The following CTRC variants were observed in gnomAD, a reference collection of about 807,000 sequenced individuals.
CTRC encodes the protein chymotrypsin-C.
Under a neutral mutation model 35.7 loss-of-function variants are expected in CTRC, and 32 were observed. That is an observed-to-expected ratio of 0.90 (90% CI 0.68 to 1.20). The LOEUF (loss-of-function observed/expected upper bound fraction) is 1.20. CTRC is among the 50% of genes most tolerant of loss of function. CTRC has a pLI of 0.00. For synonymous variants in CTRC, 119 were observed against 149.5 expected, an observed-to-expected ratio of 0.80 and a Z score of 1.49; for missense variants, 324 against 361.5, an observed-to-expected ratio of 0.90 and a Z score of 0.84.
At position 15,447,008 on chromosome 1, in the gene CTRC, T is replaced by C. The variant is rs1570788146; in HGVS notation, c.*419T>C. On this transcript the variant is annotated 3_prime_UTR_variant, in exon 8 of 8. Coordinates refer to ENST00000375949, the MANE Select transcript of CTRC (RefSeq NM_007272.3). ...TACCTCCACCGAGGGGCCTGGCAGGTCCTCACAGCCCCCCAGCAGCAGGTG... is the reference window on the plus strand; with the variant it reads ...TACCTCCACCGAGGGGCCTGGCAGGCCCTCACAGCCCCCCAGCAGCAGGTG... The C allele has an allele frequency of 3.1e-6, 1 of 322,936 alleles. No homozygotes were observed. Among genetic ancestry groups the C allele is most frequent in the Non-Finnish European group, 6.1e-6 (1 of 165,262 alleles). The allele number at this position is 322,936 out of a possible 1,614,324, so 20.0% of individuals were successfully genotyped here.
chr1:15,439,818 T>C (rs1165632778), intron 1 of CTRC, among the ~76,000 whole-genome samples: 2 of 152,208 alleles, frequency 1.3e-5, no homozygotes, highest in Admixed American at 6.5e-5. Flanking sequence ...CTCGGCTCAC[T>C]GCAACCTCCA....
chr1:15,442,489 G>A lies in CTRC; in HGVS notation c.273G>A (p.Leu91=). 2 of 1,614,148 alleles carry A rather than the reference G, an allele frequency of 1.2e-6. No individual in the cohort carries two copies. Among genetic ancestry groups the A allele is most frequent in the Non-Finnish European group, 1.7e-6 (2 of 1,180,024 alleles). The change falls in exon 4 of 8, where the codon CTG becomes CTA. Residue 91 remains leucine (L), a synonymous_variant. Coordinates refer to ENST00000375949, the MANE Select transcript of CTRC (RefSeq NM_007272.3). ...GTGTGGCCGTGGGAAAGAACAACCT[G>A]GAGGTGGAAGACGAAGAAGGATCCC... is the stretch of plus-strand genomic sequence containing the variant. ...TYRVAVGKNN[L]EVEDEEGSLF...
At chr1:15,441,080 T>A (rs1029952750) in intron 3 of CTRC, among the ~76,000 whole-genome samples, 2 of 151,992 alleles carry the variant, frequency 1.3e-5, no homozygotes, top group African/African-American at 4.8e-5. Context: ...CTCGGGAGGC[T>A]GAGGTAGGAG....
In CTRC at chr1:15,440,552, T is replaced by C. The variant is rs1204472941; in HGVS notation, c.192T>C (p.Ile64=). The C allele has an allele frequency of 1.2e-5, 19 of 1,614,096 alleles. No individual in the cohort carries two copies. The highest frequency in any genetic ancestry group is 2.7e-5 in the African/African-American group (2 of 74,934). ...GGCATACGTGTGGCGGGACTTTGAT[T>C]GCTAGCAACTTCGTCCTCACTGCCG... The part of the protein sequence containing the change: ...TWRHTCGGTL[I]ASNFVLTAAH... Residue 64 remains isoleucine, a synonymous_variant, in exon 3 of 8, where the codon ATT becomes ATC. Transcript: ENST00000375949.
At chr1:15,439,989 G>A (rs1436644900) in intron 1 of CTRC, among the ~76,000 whole-genome samples, 2 of 152,246 alleles carry the variant, frequency 1.3e-5, no homozygotes, top group South Asian at 2.1e-4. Context: ...CGATCCACCC[G>A]CCTTGGCCAC....
At chr1:15,442,608 G>A (rs1708152874) in intron 4 of CTRC, 36 bp downstream of exon 4, 2 of 1,613,140 alleles carry the variant, frequency 1.2e-6, no homozygotes, top group Non-Finnish European at 1.7e-6. Flanking sequence ...AGCCACTGGG[G>A]GCAGTGTGGA....
At chr1:15,446,293 G>A (rs1261725318) in intron 7 of CTRC, among the ~76,000 whole-genome samples, 8 of 152,270 alleles carry the variant, frequency 5.3e-5, no homozygotes, top group Admixed American at 5.2e-4. Flanking sequence ...GCAGAGGAGA[G>A]GGATGGTGTG....
At position 15,448,881 on chromosome 1, in the gene CTRC, G is replaced by T. The variant is rs1050507033; in HGVS notation, c.*2292G>T. 1 of 152,108 alleles carries T rather than the reference G, an allele frequency of 6.6e-6. No individual in the cohort carries two copies. Among genetic ancestry groups the T allele is most frequent in the Non-Finnish European group, 1.5e-5 (1 of 68,024 alleles). 9.4% of individuals were successfully genotyped at this position (152,108 alleles called of 1,614,324 possible). On this transcript the variant is annotated 3_prime_UTR_variant, in exon 8 of 8. Coordinates refer to ENST00000375949, the MANE Select transcript of CTRC (RefSeq NM_007272.3). ...TGTCCTCAGATCCCTTGTAGTTAGGGAGCTAATTAAAATGTTAATTAATAT... is the reference window on the plus strand; with the variant it reads ...TGTCCTCAGATCCCTTGTAGTTAGGTAGCTAATTAAAATGTTAATTAATAT...
intron 4 of CTRC, among the ~76,000 whole-genome samples, chr1:15,443,157 C>T (rs139746272): frequency 1.3e-5 from 2 of 152,366 alleles, no homozygotes; most frequent in African/African-American, 4.8e-5. Flanking sequence ...GACACTTCCA[C>T]TCTCACCTCC....
chr1:15,441,988 C>A (rs576475319), intron 3 of CTRC, among the ~76,000 whole-genome samples: 1 of 152,092 alleles, frequency 6.6e-6, no homozygotes, highest in Non-Finnish European at 1.5e-5. Context: ...GCAATCCCCC[C>A]GTCTCGGCTT....
rs1708233994 is a variant in CTRC at position 15,447,097 on chromosome 1, G to C, written c.*508G>C. 1 of 257,310 alleles carries C rather than the reference G, an allele frequency of 3.9e-6. No homozygotes were observed. Among genetic ancestry groups the C allele is most frequent in the Admixed American group, 5.0e-5 (1 of 19,854 alleles). The allele number at this position is 257,310 out of a possible 1,614,324, so 15.9% of individuals were successfully genotyped here. On this transcript the variant is annotated 3_prime_UTR_variant, in exon 8 of 8. Coordinates refer to ENST00000375949, the MANE Select transcript of CTRC (RefSeq NM_007272.3). ...AGAGAGACCAGGCCACAGGAGGATG[G>C]CCAAAGCTCAGGGACAACCACTCCT...
At position 15,447,907 on chromosome 1, in the gene CTRC, G is replaced by A. The variant is rs943868244; in HGVS notation, c.*1318G>A. 6.6e-6 allele frequency: 1 copy of A among 152,270 alleles called. No homozygotes were observed. The highest frequency in any genetic ancestry group is 2.4e-5 in the African/African-American group (1 of 41,428). The allele number at this position is 152,270 out of a possible 1,614,324, so 9.4% of individuals were successfully genotyped here. On this transcript the variant is annotated 3_prime_UTR_variant, in exon 8 of 8. Coordinates refer to ENST00000375949, the MANE Select transcript of CTRC (RefSeq NM_007272.3). Reference sequence around the variant, plus strand: ...CCACCCAGACCCGGGAATCCAGGATGGGGGTACCCCAGCTGTGCAGGAGAC... The same window carrying A: ...CCACCCAGACCCGGGAATCCAGGATAGGGGTACCCCAGCTGTGCAGGAGAC...
intron 4 of CTRC, 76 bp from the exon 5 acceptor site, chr1:15,443,343 C>T (rs142729850): frequency 2.2e-5 from 35 of 1,594,008 alleles, no homozygotes; most frequent in Non-Finnish European, 3.0e-5. Flanking sequence ...TCCCAACTCA[C>T]AGCCCGAGCC....
rs1368122456 is a variant in CTRC at position 15,442,561 on chromosome 1, C to T, written c.345C>T (p.Ala115=). The T allele has an allele frequency of 1.2e-6, 2 of 1,614,040 alleles. No individual in the cohort carries two copies. Among genetic ancestry groups the T allele is most frequent in the African/African-American group, 1.3e-5 (1 of 75,026 alleles). ...TCCACGTCCACAAGAGATGGAATGC[C>T]CTCCTGTTGCGGTGAGTGACAGACT... The part of the protein sequence containing the change: ...DTIHVHKRWN[A]LLLRNDIALI... The change falls in exon 4 of 8, where the codon GCC becomes GCT. Residue 115 remains alanine (A), a synonymous_variant. Transcript: ENST00000375949.
Position 15,445,623 on chromosome 1 carries a change from C to A in CTRC, c.666C>A (p.Cys222Ter). Residue 222 changes from cysteine (C) to a stop codon, truncating the protein, a stop_gained, in exon 7 of 8, where the codon TGC (cysteine) becomes TGA (stop). Transcript: ENST00000375949. LOFTEE classifies it high-confidence loss of function. ...CNGDSGGPLNCQLENGSWEVF... is the reference protein window; with the variant it reads ...CNGDSGGPLN ...GGGACTCCGGTGGCCCACTGAACTG[C>A]CAGTTGGAGAACGGTTCCTGGGAGG... 3 of 1,614,200 alleles carry A rather than the reference C, an allele frequency of 1.9e-6. No individual in the cohort carries two copies. The highest frequency in any genetic ancestry group is 2.5e-6 in the Non-Finnish European group (3 of 1,180,028).
chr1:15,445,850 T>TCATTTATTCACTCATTCATG (rs1223448009), intron 7 of CTRC, 101 bp downstream of exon 7: 14 of 1,382,714 alleles, frequency 1.0e-5, no homozygotes, highest in African/African-American at 7.1e-5. Flanking sequence ...ATTCATTCAT[T>TCATTTATTCACTCATTCATG]CATTTATTCA....
At position 15,440,576 on chromosome 1, in the gene CTRC, C is replaced by A; in HGVS notation, c.216C>A (p.Ala72=). Residue 72 remains alanine (A), a synonymous_variant, in exon 3 of 8, where the codon GCC becomes GCA. Transcript: ENST00000375949. ...TTGCTAGCAACTTCGTCCTCACTGC[C>A]GCCCACTGCATCAGGTGTGCGGGGA... is the stretch of plus-strand genomic sequence containing the variant. The part of the protein sequence containing the change: ...TLIASNFVLT[A]AHCISNTRTY... The A allele has an allele frequency of 1.2e-6, 2 of 1,614,076 alleles. No homozygotes were observed. Among genetic ancestry groups the A allele is most frequent in the South Asian group, 2.2e-5 (2 of 91,032 alleles).
In CTRC at chr1:15,440,329, C is replaced by A; in HGVS notation, c.70C>A (p.Pro24Thr). Residue 24 changes from proline to threonine, a missense_variant, in exon 2 of 8, where the codon CCC becomes ACC. Physicochemically the swap from Pro to Thr is conservative, Grantham distance 38 (BLOSUM62 -1). Coordinates refer to ENST00000375949, the MANE Select transcript of CTRC (RefSeq NM_007272.3). Reference sequence around the variant, plus strand: ...CAGCTGTGGGGTGCCCAGCTTCCCGCCCAACCTATCCGCCCGAGTGGTGGG... The same window carrying A: ...CAGCTGTGGGGTGCCCAGCTTCCCGACCAACCTATCCGCCCGAGTGGTGGG... Reference protein sequence around the residue: ...ASSCGVPSFPPNLSARVVGGE... With the variant: ...ASSCGVPSFPTNLSARVVGGE... 1 of 1,610,340 alleles carries A rather than the reference C, an allele frequency of 6.2e-7. No individual in the cohort carries two copies. Among genetic ancestry groups the A allele is most frequent in the South Asian group, 1.1e-5 (1 of 90,326 alleles).
At chr1:15,438,692 C>A (rs1708078633) in intron 1 of CTRC, among the ~76,000 whole-genome samples, 188 bp downstream of exon 1, 1 of 152,166 alleles carries the variant, frequency 6.6e-6, no homozygotes, top group South Asian at 2.1e-4. Context: ...ACTCTGTTTC[C>A]ACATCTGCAA....
Sources: allele counts gnomAD v4.1 joint callset (sites outside exome capture counted in the v4.1 genomes callset), GRCh38; gene constraint gnomAD v4.1.1; transcripts MANE v1.5; gene names NCBI Gene and HGNC (gene_info 2026-07-23, HGNC 2026-07-21).